Variants in SLC10A7 observed in about 807,000 individuals in gnomAD.
SLC10A7 encodes solute carrier family 10 member 7.
A neutral mutation model predicts 43.2 loss-of-function variants in SLC10A7; 29 were observed. The ratio of observed to expected loss-of-function variants is 0.67; its 90% CI spans 0.50 to 0.92. The LOEUF (loss-of-function observed/expected upper bound fraction) is 0.92, where lower values mean the gene tolerates loss of function less well. SLC10A7 is among the 40% of genes least tolerant of loss of function. SLC10A7 has a pLI of 0.00. For missense variants in SLC10A7, 295 were observed against 403.2 expected (o/e 0.73, Z 2.30); for synonymous variants, 152 against 144.8 (o/e 1.05, Z -0.35).
At chr4:146,501,878 C>A (rs572741671) in intron 4 of SLC10A7, among the ~76,000 whole-genome samples, 12 of 152,298 alleles carry the variant, frequency 7.9e-5, no homozygotes, top group African/African-American at 2.6e-4. Flanking sequence ...TATCCTGTAC[C>A]TTCAAAATAC....
chr4:146,405,228 C>G (rs1727581877), intron 5 of SLC10A7, among the ~76,000 whole-genome samples: 1 of 152,064 alleles, frequency 6.6e-6, no homozygotes, highest in African/African-American at 2.4e-5. Flanking sequence ...CCAGATCTAC[C>G]ATCTTGGTCC....
At chr4:146,480,438 G>A (rs2149983997) in intron 4 of SLC10A7, among the ~76,000 whole-genome samples, 2 of 152,178 alleles carry the variant, frequency 1.3e-5, no homozygotes, top group Middle Eastern at 6.8e-3. Context: ...CCCAAGGTAG[G>A]CAATCCAGGG....
At chr4:146,336,150 C>A (rs1311277858) in intron 5 of SLC10A7, among the ~76,000 whole-genome samples, 1 of 152,132 alleles carries the variant, frequency 6.6e-6, no homozygotes, top group Non-Finnish European at 1.5e-5. Flanking sequence ...AGGGACACTT[C>A]TGCAATTACT....
intron 5 of SLC10A7, among the ~76,000 whole-genome samples, chr4:146,344,863 T>C (rs1478192025): frequency 6.6e-6 from 1 of 152,150 alleles, no homozygotes; most frequent in Non-Finnish European, 1.5e-5. Context: ...TATTTTTAAA[T>C]GAATTAATAA....
intron 5 of SLC10A7, among the ~76,000 whole-genome samples, chr4:146,393,191 CA>C (rs765135958): frequency 0.19 from 8,034 of 41,632 alleles, 46 homozygotes; most frequent in African/African-American, 0.26. Context: ...GGCCCTGTCT[CA>C]AAAAAAAAAA....
At chr4:146,271,062 T>C (rs1177243419) in intron 10 of SLC10A7, among the ~76,000 whole-genome samples, 1 of 152,170 alleles carries the variant, frequency 6.6e-6, no homozygotes, top group East Asian at 1.9e-4. Context: ...TTCCATATCC[T>C]CTCTGTCCTC....
intron 5 of SLC10A7, among the ~76,000 whole-genome samples, chr4:146,328,952 C>T (rs1733346740): frequency 6.6e-6 from 1 of 152,090 alleles, no homozygotes; most frequent in Admixed American, 6.5e-5. Context: ...TCTCTGGTAA[C>T]AGATCCAAAG....
intron 9 of SLC10A7, among the ~76,000 whole-genome samples, chr4:146,290,106 C>T (rs768441587): frequency 5.4e-4 from 81 of 150,558 alleles, no homozygotes; most frequent in Non-Finnish European, 3.1e-4. Flanking sequence ...GGGCGGATCA[C>T]AAGGTCAGGA....
chr4:146,370,164 A>G (rs1736669328), intron 5 of SLC10A7, among the ~76,000 whole-genome samples: 1 of 152,166 alleles, frequency 6.6e-6, no homozygotes, highest in Non-Finnish European at 1.5e-5. Context: ...CAATTTTGCC[A>G]CTGTAGATTT....
rs552158152 is a variant in SLC10A7 at position 146,486,117 on chromosome 4, A to G, written c.396+17732T>C. Among the ~76,000 whole-genome samples the G allele has an allele frequency of 9.8e-5, 15 of 152,336 alleles. No individual in the cohort carries two copies. In the South Asian group the frequency reaches 3.1e-3, roughly 32 times the overall value. On this transcript the variant is annotated intron_variant, in intron 4 of 11. Coordinates refer to ENST00000335472, the MANE Select transcript of SLC10A7 (RefSeq NM_001029998.6). Reference sequence around the variant, plus strand: ...TCATGATAAAACTATGGTTTTCTAAACCAAGGTGAAACATATCACAACTCC... The same window carrying G: ...TCATGATAAAACTATGGTTTTCTAAGCCAAGGTGAAACATATCACAACTCC...
At chr4:146,326,757 G>C (rs1365045225) in intron 5 of SLC10A7, among the ~76,000 whole-genome samples, 1 of 152,134 alleles carries the variant, frequency 6.6e-6, no homozygotes, top group Admixed American at 6.5e-5. Flanking sequence ...AGCAGCAGAT[G>C]ATTATTTGCC....
intron 4 of SLC10A7, among the ~76,000 whole-genome samples, chr4:146,459,984 TA>T (rs966539812): frequency 6.6e-6 from 1 of 151,834 alleles, no homozygotes; most frequent in African/African-American, 2.4e-5. Context: ...CTCTTACAAC[TA>T]AATAAGAAGA....
intron 3 of SLC10A7, among the ~76,000 whole-genome samples, chr4:146,509,140 A>G (rs996397415): frequency 6.6e-6 from 1 of 152,192 alleles, no homozygotes; most frequent in Admixed American, 6.5e-5. Context: ...TTCTTTTTAC[A>G]TCATTTATCT....
chr4:146,261,425 C>T (rs548894760), intron 10 of SLC10A7, among the ~76,000 whole-genome samples: 1 of 149,328 alleles, frequency 6.7e-6, no homozygotes, highest in Admixed American at 6.8e-5. Flanking sequence ...CCTTTGCCCC[C>T]CCAGCTCCAG....
intron 4 of SLC10A7, among the ~76,000 whole-genome samples, chr4:146,485,458 TC>T (rs995389374): frequency 1.3e-5 from 2 of 152,116 alleles, no homozygotes; most frequent in African/African-American, 2.4e-5. Context: ...GGAAGAAGCT[TC>T]CTAACACCTT....
At chr4:146,256,797 T>C in intron 11 of SLC10A7, 1 of 1,477,640 alleles carries the variant, frequency 6.8e-7, no homozygotes, top group East Asian at 2.5e-5. Context: ...CAGTACTGTG[T>C]GCAAAGCAGA....
At chr4:146,281,909 G>A (rs1329961386) in intron 10 of SLC10A7, among the ~76,000 whole-genome samples, 4 of 152,150 alleles carry the variant, frequency 2.6e-5, no homozygotes, top group Admixed American at 1.3e-4. Context: ...CTTACAGTAT[G>A]ATTATTGCAC....
chr4:146,414,659 G>A (rs1005372579), intron 5 of SLC10A7, among the ~76,000 whole-genome samples: 1 of 151,732 alleles, frequency 6.6e-6, no homozygotes, highest in African/African-American at 2.4e-5. Flanking sequence ...GGAGACGGAG[G>A]TTGCAGTGGG....
intron 5 of SLC10A7, among the ~76,000 whole-genome samples, chr4:146,407,402 G>C (rs1288616798): frequency 6.6e-6 from 1 of 152,104 alleles, no homozygotes; most frequent in East Asian, 1.9e-4. Context: ...CATGTAACAT[G>C]AGATCTACGC....
Sources: gnomAD v4.1 joint callset for allele counts (sites outside exome capture counted in the v4.1 genomes callset) on GRCh38, gnomAD v4.1.1 for gene constraint, MANE v1.5 for transcripts, NCBI Gene and HGNC (gene_info 2026-07-23, HGNC 2026-07-21) for gene names.